The following SNTB2 variants were observed in gnomAD, a reference collection of about 807,000 sequenced individuals.
SNTB2 encodes syntrophin beta 2.
SNTB2 carries 34 observed loss-of-function variants against 46.2 expected under a neutral mutation model. The observed-to-expected ratio is 0.74, with a 90% CI of 0.56 to 0.98. SNTB2 has a LOEUF of 0.98. SNTB2 is among the 50% of genes least tolerant of loss of function. The probability of loss-of-function intolerance (pLI) is 0.00; values close to 1 mark genes in which losing one functional copy is unlikely to be tolerated. For synonymous variants in SNTB2, 290 were observed against 312.6 expected, an observed-to-expected ratio of 0.93 and a Z score of 0.76; for missense variants, 603 against 731.4, an observed-to-expected ratio of 0.82 and a Z score of 2.02.
At chr16:69,261,969 G>A (rs1370950960) in intron 3 of SNTB2, among the ~76,000 whole-genome samples, 1 of 152,032 alleles carries the variant, frequency 6.6e-6, no homozygotes, top group Non-Finnish European at 1.5e-5. Context: ...AGCACTTTGG[G>A]AGGCTGAGGT....
chr16:69,281,376 C>T (rs1487199536), intron 4 of SNTB2, among the ~76,000 whole-genome samples: 3 of 151,818 alleles, frequency 2.0e-5, no homozygotes, highest in Middle Eastern at 3.2e-3. Flanking sequence ...GGATTACAGG[C>T]GTCCACCACC....
At chr16:69,188,364 A>G (rs1479092486) in intron 1 of SNTB2, among the ~76,000 whole-genome samples, 8 of 152,346 alleles carry the variant, frequency 5.3e-5, no homozygotes, top group Non-Finnish European at 1.2e-4. Flanking sequence ...TTTACTGCCA[A>G]CTAGAGTTTT....
At chr16:69,281,233 A>ATT (rs766538644) in intron 4 of SNTB2, among the ~76,000 whole-genome samples, 7 of 140,834 alleles carry the variant, frequency 5.0e-5, no homozygotes, top group African/African-American at 7.7e-5. Flanking sequence ...TATGTTATAG[A>ATT]TTTTTTTTTT....
intron 1 of SNTB2, among the ~76,000 whole-genome samples, chr16:69,222,269 A>G (rs945484231): frequency 5.9e-5 from 9 of 152,206 alleles, no homozygotes; most frequent in African/African-American, 1.9e-4. Flanking sequence ...TGATAAGTAT[A>G]GCTTTTACAA....
intron 1 of SNTB2, among the ~76,000 whole-genome samples, chr16:69,219,636 A>G (rs543401990): frequency 6.6e-6 from 1 of 152,352 alleles, no homozygotes; most frequent in African/African-American, 2.4e-5. Context: ...GTATATTTAA[A>G]AAGTCCGTCT....
intron 3 of SNTB2, among the ~76,000 whole-genome samples, chr16:69,267,497 A>C (rs1207182951): frequency 1.7e-4 from 26 of 152,238 alleles, no homozygotes; most frequent in Admixed American, 1.7e-3. Context: ...TTTAGAGCTG[A>C]TATTGTCCTT....
chr16:69,216,683 G>GCCC (rs534678075), intron 1 of SNTB2, among the ~76,000 whole-genome samples: 5 of 145,086 alleles, frequency 3.4e-5, no homozygotes, highest in African/African-American at 1.3e-4. Context: ...GTGAGACCCT[G>GCCC]CCCCCCCCCC....
intron 3 of SNTB2, among the ~76,000 whole-genome samples, chr16:69,264,384 G>C (rs77257450): frequency 1.3e-5 from 2 of 152,068 alleles, no homozygotes; most frequent in Non-Finnish European, 2.9e-5. Context: ...GACATATACT[G>C]CATATTTTCC....
chr16:69,221,706 G>A (rs556633165), intron 1 of SNTB2, among the ~76,000 whole-genome samples: 1 of 152,310 alleles, frequency 6.6e-6, no homozygotes, highest in South Asian at 2.1e-4. Flanking sequence ...AACCAATGAG[G>A]TGGTGGTTGC....
At chr16:69,223,191 AT>A (rs548334873) in intron 1 of SNTB2, among the ~76,000 whole-genome samples, 9,627 of 134,914 alleles carry the variant, frequency 0.071, 516 homozygotes, top group African/African-American at 0.17. Context: ...AAAACTAAGA[AT>A]TTTTTTTTTT....
rs545342115 is a variant in SNTB2, at chr16:69,282,625, C to A, written c.1149-1423C>A. ...TTTGGAATCAGTTTATCAGTATCTA[C>A]AAAATAACTTGCTGGGATTTTAATG... On this transcript the variant is annotated intron_variant, in intron 4 of 6. Transcript: ENST00000336278. Among the ~76,000 whole-genome samples, 5 of 143,632 alleles carry A rather than the reference C, an allele frequency of 3.5e-5. No individual in the cohort carries two copies. The South Asian group carries it at 1.1e-3, about 31-fold the overall frequency. 94.2% of individuals were successfully genotyped at this position (143,632 alleles called of 152,430 possible). A position where few individuals can be genotyped will look rare whatever the true frequency, so the allele number is the denominator to read the frequency against.
chr16:69,247,560 T>G (rs1226077955), intron 2 of SNTB2, among the ~76,000 whole-genome samples: 1 of 152,104 alleles, frequency 6.6e-6, no homozygotes, highest in Non-Finnish European at 1.5e-5. Flanking sequence ...GCTTTAAAGC[T>G]TCTGCTCTGT....
At chr16:69,209,503 T>G (rs1225716812) in intron 1 of SNTB2, among the ~76,000 whole-genome samples, 1 of 152,224 alleles carries the variant, frequency 6.6e-6, no homozygotes, top group Non-Finnish European at 1.5e-5. Context: ...TGAAATACTC[T>G]GCTTTATGGT....
rs539503941 is a variant in SNTB2, at chr16:69,305,167, C to A, written c.*4243C>A. ...ATATGCATGTGGATATATTTGTTTT[C>A]AAAGCCATGGAAGAATCTCTGTTCA... On this transcript the variant is annotated 3_prime_UTR_variant, in exon 7 of 7. Transcript: ENST00000336278. The A allele has an allele frequency of 3.3e-5, 5 of 152,478 alleles. No homozygotes were observed. The highest frequency in any genetic ancestry group is 1.2e-4 in the African/African-American group (5 of 41,380). 9.4% of individuals were successfully genotyped at this position (152,478 alleles called of 1,614,324 possible). A position where few individuals can be genotyped will look rare whatever the true frequency, so the allele number is the denominator to read the frequency against.
intron 1 of SNTB2, among the ~76,000 whole-genome samples, chr16:69,221,149 C>G (rs1367456172): frequency 6.6e-6 from 1 of 152,054 alleles, no homozygotes; most frequent in Non-Finnish European, 1.5e-5. Context: ...AAAATGAATA[C>G]AAAGGTTTAA....
rs886255272 is a variant in SNTB2 at position 69,284,467 on chromosome 16, A to G, written c.1345+223A>G. On this transcript the variant is annotated intron_variant, in intron 5 of 6. Coordinates refer to ENST00000336278, the MANE Select transcript of SNTB2 (RefSeq NM_006750.4). ...TGAAACCCCGTCTTTACTAAAAAAA[A>G]AAAAAAAAAAAAAAAAAAAAAAAAA... Among the ~76,000 whole-genome samples, 993 of 140,626 alleles carry G rather than the reference A, an allele frequency of 7.1e-3. 38 individuals are homozygous for G. Among genetic ancestry groups the G allele is most frequent in the Non-Finnish European group, 0.013 (834 of 63,328 alleles). The allele number at this position is 140,626 out of a possible 152,430, so 92.3% of individuals were successfully genotyped here. A position where few individuals can be genotyped will look rare whatever the true frequency, so the allele number is the denominator to read the frequency against.
rs1175261617 is a variant in SNTB2 at position 69,303,310 on chromosome 16, G to A, written c.*2386G>A. 2 of 152,182 alleles carry A rather than the reference G, an allele frequency of 1.3e-5. No homozygotes were observed. Among genetic ancestry groups the A allele is most frequent in the African/African-American group, 4.8e-5 (2 of 41,432 alleles). 9.4% of individuals were successfully genotyped at this position (152,182 alleles called of 1,614,324 possible). Reference sequence around the variant, plus strand: ...AGTGAGAGCATTATTAATATGAGATGTTGAATGATGCCTTTACAGACTTCA... The same window carrying A: ...AGTGAGAGCATTATTAATATGAGATATTGAATGATGCCTTTACAGACTTCA... On this transcript the variant is annotated 3_prime_UTR_variant, in exon 7 of 7. Transcript: ENST00000336278.
chr16:69,255,861 G>A (rs1201577068), intron 2 of SNTB2, among the ~76,000 whole-genome samples: 1 of 147,732 alleles, frequency 6.8e-6, no homozygotes, highest in African/African-American at 2.5e-5. Flanking sequence ...CGGGCAACAA[G>A]AGGTAAACTC....
intron 5 of SNTB2, among the ~76,000 whole-genome samples, chr16:69,292,394 ATATATATATATAT>A (rs1965174892): frequency 3.6e-5 from 1 of 28,078 alleles, no homozygotes; most frequent in Non-Finnish European, 5.6e-5. Flanking sequence ...TATATATTAT[ATATATATATATAT>A]TATATATATA....
Sources: gnomAD v4.1 joint callset for allele counts (sites outside exome capture counted in the v4.1 genomes callset) on GRCh38, gnomAD v4.1.1 for gene constraint, MANE v1.5 for transcripts, NCBI Gene and HGNC (gene_info 2026-07-23, HGNC 2026-07-21) for gene names.